Variants in ANKRD28 observed in about 807,000 individuals in gnomAD.
ANKRD28 encodes ankyrin repeat domain 28, also known as serine/threonine-protein phosphatase 6 regulatory ankyrin repeat subunit A.
In ANKRD28, 44 loss-of-function variants were observed where a neutral mutation model predicts 126.5. The observed-to-expected ratio is 0.35, with a 90% CI of 0.27 to 0.45. ANKRD28 has a LOEUF of 0.45. Among genes scored for constraint, ANKRD28 ranks in the 20% least tolerant of loss-of-function variants. ANKRD28 has a pLI of 1.00. For synonymous variants in ANKRD28, 442 were observed against 468.5 expected, an observed-to-expected ratio of 0.94 and a Z score of 0.73; for missense variants, 1,110 against 1,316.6, an observed-to-expected ratio of 0.84 and a Z score of 2.43.
rs1053330766 is a variant in ANKRD28 at position 15,830,715 on chromosome 3, C to T, written c.27+28662G>A. Among the ~76,000 whole-genome samples the T allele has an allele frequency of 5.3e-5, 8 of 152,062 alleles. No homozygotes were observed. The highest frequency in any genetic ancestry group is 1.9e-4 in the African/African-American group (8 of 41,388). ...CCCTTGCTCAGCTCCTAGGAGGTAACTGCTAACCCCTTGGAATGTCCTGCT... is the reference window on the plus strand; with the variant it reads ...CCCTTGCTCAGCTCCTAGGAGGTAATTGCTAACCCCTTGGAATGTCCTGCT... On this transcript the variant is annotated intron_variant, in intron 1 of 27. Transcript: ENST00000399451. This position sits in a 1 kb window ranked among gnomAD's most constrained non-coding sequence, Gnocchi z 4.5.
chr3:15,739,634 C>T (rs1302423614), intron 4 of ANKRD28, among the ~76,000 whole-genome samples: 2 of 152,006 alleles, frequency 1.3e-5, no homozygotes, highest in African/African-American at 4.8e-5. Flanking sequence ...TGCTATAAAG[C>T]ACAATAAACT....
At chr3:15,763,250 T>C (rs560077182) in intron 3 of ANKRD28, among the ~76,000 whole-genome samples, 2 of 152,350 alleles carry the variant, frequency 1.3e-5, no homozygotes, top group South Asian at 4.1e-4. Context: ...CTTCTTTCCC[T>C]TTCCACTTAC....
At chr3:15,764,437 C>G (rs766607473) in intron 3 of ANKRD28, among the ~76,000 whole-genome samples, 1 of 151,234 alleles carries the variant, frequency 6.6e-6, no homozygotes, top group Non-Finnish European at 1.5e-5. Flanking sequence ...CAACCTTCTA[C>G]AAGTAACTAA....
intron 2 of ANKRD28, among the ~76,000 whole-genome samples, chr3:15,789,559 T>C (rs1328222969): frequency 1.3e-5 from 2 of 151,454 alleles, no homozygotes; most frequent in Admixed American, 6.6e-5. Flanking sequence ...AAGCCAAGAG[T>C]TTCACAGAGA....
At chr3:15,717,665 A>G (rs999037820) in intron 8 of ANKRD28, among the ~76,000 whole-genome samples, 2 of 152,194 alleles carry the variant, frequency 1.3e-5, no homozygotes, top group Non-Finnish European at 2.9e-5. Context: ...CAAAACAAGC[A>G]TTTGGTGTAT....
chr3:15,717,110 A>G (rs2073164537), intron 8 of ANKRD28, among the ~76,000 whole-genome samples: 1 of 152,214 alleles, frequency 6.6e-6, no homozygotes, highest in Non-Finnish European at 1.5e-5. Flanking sequence ...ACTAGGTCTC[A>G]TAGCTAATAA....
In ANKRD28 at chr3:15,816,629, CACTATTTAACCCACTAGATGCTA is replaced by C. The variant is rs375512719; in HGVS notation, c.28-21346_28-21324del. On this transcript the variant is annotated intron_variant, in intron 1 of 27. Transcript: ENST00000399451. The surrounding 1 kb of genome is among the most constrained non-coding windows in gnomAD (Gnocchi z 5.0). ...GTGTTTGGTGCCCTTTATTTTACTA[CACTATTTAACCCACTAGATGCTA>C]ACTAACAAACATTTAAGTTACATGA... 1.1e-3 allele frequency among the ~76,000 whole-genome samples: 166 copies of C among 152,266 alleles called. No individual in the cohort carries two copies. The highest frequency in any genetic ancestry group is 3.9e-3 in the African/African-American group (163 of 41,546).
At chr3:15,695,856 G>A (rs2069464199) in intron 15 of ANKRD28, among the ~76,000 whole-genome samples, 1 of 151,920 alleles carries the variant, frequency 6.6e-6, no homozygotes. Context: ...AAACTTATGA[G>A]GAATATTAAT....
chr3:15,766,189 C>A, intron 3 of ANKRD28, 45 bp downstream of exon 3: 4 of 1,449,736 alleles, frequency 2.8e-6, no homozygotes, highest in Non-Finnish European at 2.9e-6. Flanking sequence ...TTAAGAATAA[C>A]AAAAATATAC....
intron 4 of ANKRD28, 116 bp downstream of exon 4, chr3:15,751,634 C>G (rs928817528): frequency 4.2e-6 from 3 of 709,730 alleles, no homozygotes; most frequent in African/African-American, 1.9e-5. Context: ...AATGACCAGT[C>G]AAGGTATCTC....
chr3:15,696,229 A>G lies in ANKRD28; in HGVS notation c.1564T>C (p.Leu522=), dbSNP rs758641172. 8.9e-6 allele frequency: 14 copies of G among 1,581,920 alleles called. No homozygotes were observed. The highest frequency in any genetic ancestry group is 1.7e-4 in the Middle Eastern group (1 of 6,044). Residue 522 remains leucine (L), a synonymous_variant, in exon 15 of 28, where the codon TTA becomes CTA. Coordinates refer to ENST00000683139, the MANE Select transcript of ANKRD28 (RefSeq NM_001349278.2). Reference sequence around the variant, plus strand: ...ATCCCTGGATTTGCATCGTTTCTTAATAAGTATTCCAGGCACCTATATACA... The same window carrying G: ...ATCCCTGGATTTGCATCGTTTCTTAGTAAGTATTCCAGGCACCTATATACA... The part of the protein sequence containing the change: ...DTDGKCLEYL[L]RNDANPGIRD...
chr3:15,699,306 G>T (rs1220368223), intron 14 of ANKRD28, among the ~76,000 whole-genome samples: 1 of 151,932 alleles, frequency 6.6e-6, no homozygotes, highest in Admixed American at 6.6e-5. Flanking sequence ...AAAACCTAGG[G>T]CATACCATTC....
intron 10 of ANKRD28, 35 bp downstream of exon 10, chr3:15,713,492 C>T: frequency 6.5e-7 from 1 of 1,531,792 alleles, no homozygotes; most frequent in Non-Finnish European, 9.0e-7. Flanking sequence ...TTGTGCTTGC[C>T]TGTATCAGTT....
intron 1 of ANKRD28, chr3:15,859,358 C>G (rs1412858151): frequency 6.5e-7 from 1 of 1,526,852 alleles, no homozygotes; most frequent in South Asian, 1.2e-5. Flanking sequence ...GCGATCCCGC[C>G]CTGCAGCCCC....
At chr3:15,726,711 T>C (rs1239701311) in intron 6 of ANKRD28, among the ~76,000 whole-genome samples, 1 of 152,196 alleles carries the variant, frequency 6.6e-6, no homozygotes, top group Non-Finnish European at 1.5e-5. Flanking sequence ...AAACAGCAGA[T>C]TTTCAATGCA....
chr3:15,737,504 T>A (rs1167225399), intron 4 of ANKRD28, among the ~76,000 whole-genome samples: 2 of 14,348 alleles, frequency 1.4e-4, no homozygotes, highest in Admixed American at 1.9e-3. Flanking sequence ...GCATAAACAT[T>A]CCTATCAAAA....
rs561186794 is a variant in ANKRD28, at chr3:15,817,821, A to G, written c.28-22515T>C. Among the ~76,000 whole-genome samples, 43 of 152,246 alleles carry G rather than the reference A, an allele frequency of 2.8e-4. No homozygotes were observed. The highest frequency in any genetic ancestry group is 9.9e-4 in the African/African-American group (41 of 41,534). ...AAGGAATAAGGGATATATAGTTTGG[A>G]AGGGAAGAAATAAAAGTGCTTGCAT... On this transcript the variant is annotated intron_variant, in intron 1 of 27. Transcript: ENST00000399451. The surrounding 1 kb of genome is among the most constrained non-coding windows in gnomAD (Gnocchi z 4.5).
In ANKRD28 at chr3:15,669,898, GT is replaced by G. The variant is rs2066186698; in HGVS notation, c.*371del. The G allele has an allele frequency of 6.0e-6, 1 of 167,860 alleles. No homozygotes were observed. The highest frequency in any genetic ancestry group is 2.4e-5 in the African/African-American group (1 of 41,770). The allele number at this position is 167,860 out of a possible 1,614,324, so 10.4% of individuals were successfully genotyped here. On this transcript the variant is annotated 3_prime_UTR_variant, in exon 28 of 28. Transcript: ENST00000683139. ...ACTTTTATTGCCTTTAAATTTAGTT[GT>G]AATTTTATTGATAAAATTTAAATCT...
intron 5 of ANKRD28, among the ~76,000 whole-genome samples, chr3:15,736,321 T>G (rs952654732): frequency 6.6e-6 from 1 of 152,212 alleles, no homozygotes; most frequent in African/African-American, 2.4e-5. Context: ...TCTATAGGGT[T>G]TGGTACTATC....
Sources: gnomAD v4.1 joint callset for allele counts (sites outside exome capture counted in the v4.1 genomes callset) on GRCh38, gnomAD v4.1.1 for gene constraint, Gnocchi (gnomAD v3.1) non-coding constraint, MANE v1.5 for transcripts, NCBI Gene and HGNC (gene_info 2026-07-23, HGNC 2026-07-21) for gene names.